SRRT: variants seen among roughly 807,000 people sequenced by gnomAD.
SRRT encodes the protein serrate, RNA effector molecule.
SRRT carries 32 observed loss-of-function variants against 103.2 expected under a neutral mutation model. That is an observed-to-expected ratio of 0.31 (90% CI 0.23 to 0.42). The LOEUF (loss-of-function observed/expected upper bound fraction) is 0.42. SRRT is among the 10% of genes least tolerant of loss of function. The pLI is 1.00. For synonymous variants in SRRT, 525 were observed against 449.0 expected, an observed-to-expected ratio of 1.17 and a Z score of -2.14; for missense variants, 986 against 1,207.5, an observed-to-expected ratio of 0.82 and a Z score of 2.72.
At chr7:100,883,923 C>T in intron 5 of SRRT, 147 bp from the exon 6 acceptor site, 1 of 848,412 alleles carries the variant, frequency 1.2e-6, no homozygotes. Flanking sequence ...TCTAGCGCAC[C>T]CCTATCCCTT....
intron 8 of SRRT, 23 bp from the exon 9 acceptor site, chr7:100,884,900 C>A (rs752896755): frequency 6.2e-7 from 1 of 1,613,840 alleles, no homozygotes; most frequent in Non-Finnish European, 8.5e-7. Flanking sequence ...GCTGACTTGT[C>A]CCCTCTGCTG....
Position 100,875,574 on chromosome 7 carries a change from C to A in SRRT, c.-17C>A, listed in dbSNP as rs772425275. The A allele has an allele frequency of 6.8e-6, 11 of 1,613,634 alleles. No homozygotes were observed. Among genetic ancestry groups the A allele is most frequent in the East Asian group, 4.5e-5 (2 of 44,856 alleles). On this transcript the variant is annotated splice_region_variant and 5_prime_UTR_variant, in exon 2 of 20. Coordinates refer to ENST00000611405, the MANE Select transcript of SRRT (RefSeq NM_015908.6). ...CTACCGCCTCTCCCCGGTCCCCAGG[C>A]CCCCTCAGACCGTGCCATGGGTGAC...
intron 2 of SRRT, 150 bp from the exon 3 acceptor site, chr7:100,881,135 C>T (rs972030169): frequency 1.5e-4 from 81 of 553,632 alleles, no homozygotes; most frequent in Non-Finnish European, 1.9e-4. Flanking sequence ...GTAGGGATGG[C>T]GGGGGGCGGG....
At position 100,875,694 on chromosome 7, in the gene SRRT, G is replaced by T. The variant is rs1459108216; in HGVS notation, c.104G>T (p.Gly35Val). ...CGCGAGAGAGATGAAAGACGTCGAG[G>T]GGACGATTGGAATGACAGGTGAGCC... ...RSRERDERRR[G>V]DDWNDREWDR... The change falls in exon 2 of 20, where the codon GGG (glycine) becomes GTG (valine). Residue 35 changes from glycine to valine, a missense_variant. This residue lies in a region of SRRT where 274 missense variants were observed against 358.5 expected (regional missense o/e 0.76). Transcript: ENST00000611405. 1 of 1,614,026 alleles carries T rather than the reference G, an allele frequency of 6.2e-7. No individual in the cohort carries two copies. Among genetic ancestry groups the T allele is most frequent in the South Asian group, 1.1e-5 (1 of 91,070 alleles).
rs1396319117 is a variant in SRRT, at chr7:100,884,943, G to A, written c.1062G>A (p.Arg354=). 4 of 1,614,144 alleles carry A rather than the reference G, an allele frequency of 2.5e-6. No homozygotes were observed. Among genetic ancestry groups the A allele is most frequent in the Non-Finnish European group, 3.4e-6 (4 of 1,180,020 alleles). The stretch of plus-strand genomic sequence containing the variant: ...CACAGAGTAGCAAGAAGCGGAACCG[G>A]AAGCACAGTGGTGACGACAGCTTTG... ...EAKKSSKKRN[R]KHSGDDSFDE... The change falls in exon 9 of 20, where the codon CGG becomes CGA. Residue 354 remains arginine (R), a synonymous_variant. Coordinates refer to ENST00000611405, the MANE Select transcript of SRRT (RefSeq NM_015908.6).
In SRRT at chr7:100,887,378, G is replaced by A. The variant is rs760575003; in HGVS notation, c.2034G>A (p.Glu678=). Reference sequence around the variant, plus strand: ...TCACGCCGTTGCTGAGTGTGCGGGAGTCACTCTCAGAGGAAGAGGCCCAGA... The same window carrying A: ...TCACGCCGTTGCTGAGTGTGCGGGAATCACTCTCAGAGGAAGAGGCCCAGA... ...EKLTPLLSVR[E]SLSEEEAQKM... is the part of the protein sequence containing the mutation. The change falls in exon 16 of 20, where the codon GAG becomes GAA. Residue 678 remains glutamate, a synonymous_variant. Transcript: ENST00000611405. This position sits in a 1 kb window ranked among gnomAD's most constrained non-coding sequence, Gnocchi z 4.1. 2.5e-6 allele frequency: 4 copies of A among 1,614,084 alleles called. No homozygotes were observed. The highest frequency in any genetic ancestry group is 3.3e-5 in the Admixed American group (2 of 60,010).
chr7:100,887,618 G>T lies in SRRT; in HGVS notation c.2170-85G>T. 1 of 1,575,474 alleles carries T rather than the reference G, an allele frequency of 6.3e-7. No homozygotes were observed. The highest frequency in any genetic ancestry group is 1.3e-5 in the African/African-American group (1 of 74,246). On this transcript the variant is annotated intron_variant, in intron 16 of 19. Coordinates refer to ENST00000611405, the MANE Select transcript of SRRT (RefSeq NM_015908.6). The surrounding 1 kb of genome is among the most constrained non-coding windows in gnomAD (Gnocchi z 4.1). Reference sequence around the variant, plus strand: ...GGAACTGCTTACTGCACTGGCAGGCGGGAGCTGGGAATCCTTCCAGCTCGG... The same window carrying T: ...GGAACTGCTTACTGCACTGGCAGGCTGGAGCTGGGAATCCTTCCAGCTCGG...
chr7:100,885,223 C>T lies in SRRT; in HGVS notation c.1170C>T (p.Leu390=), dbSNP rs1563021209. Residue 390 remains leucine, a synonymous_variant, in exon 10 of 20, where the codon CTC becomes CTT. Transcript: ENST00000611405. This position sits in a 1 kb window ranked among gnomAD's most constrained non-coding sequence, Gnocchi z 4.8. Reference sequence around the variant, plus strand: ...CCCCTTCCTGCCTAGAAGAAGCGCTCAAGGAGAAGGAGAAGCCCAAGGAAG... The same window carrying T: ...CCCCTTCCTGCCTAGAAGAAGCGCTTAAGGAGAAGGAGAAGCCCAAGGAAG... ...EEEKEEAEEA[L]KEKEKPKEEE... The T allele has an allele frequency of 6.2e-7, 1 of 1,613,888 alleles. No individual in the cohort carries two copies. The highest frequency in any genetic ancestry group is 1.1e-5 in the South Asian group (1 of 91,068).
chr7:100,875,929 G>A (rs12705092), intron 2 of SRRT: 83,127 of 532,306 alleles, frequency 0.16, 7,399 homozygotes, highest in Middle Eastern at 0.2. Flanking sequence ...AGAGCTAAGA[G>A]TTTGAGTATG....
rs1055727029 is a variant in SRRT at position 100,887,491 on chromosome 7, C to T, written c.2147C>T (p.Pro716Leu). 4 of 1,613,942 alleles carry T rather than the reference C, an allele frequency of 2.5e-6. No individual in the cohort carries two copies. The highest frequency in any genetic ancestry group is 3.4e-6 in the Non-Finnish European group (4 of 1,179,996). The change falls in exon 16 of 20, where the codon CCT becomes CTT. Residue 716 changes from proline to leucine, a missense_variant. By Grantham distance (98) the Pro-to-Leu change is moderately conservative. Transcript: ENST00000611405. The surrounding 1 kb of genome is among the most constrained non-coding windows in gnomAD (Gnocchi z 4.1). ...QELGKDKWLC[P>L]LSGKKFKGPE... ...CTGGGCAAGGATAAGTGGCTGTGTC[C>T]TCTCAGTGGCAAGAAATTCAAGGTG...
In SRRT at chr7:100,888,468, T is replaced by G; in HGVS notation, c.2556-6T>G. On this transcript the variant is annotated splice_polypyrimidine_tract_variant and splice_region_variant and intron_variant, in intron 19 of 19. Transcript: ENST00000611405. ...CAGCTCTCATCCTGTACCTCTCACC[T>G]CACAGGATGGTTCGTGGAGACCCAA... 1 of 1,613,992 alleles carries G rather than the reference T, an allele frequency of 6.2e-7. No homozygotes were observed. Among genetic ancestry groups the G allele is most frequent in the Non-Finnish European group, 8.5e-7 (1 of 1,179,914 alleles).
chr7:100,883,974 A>AG, intron 5 of SRRT, 96 bp from the exon 6 acceptor site: 1 of 1,357,278 alleles, frequency 7.4e-7, no homozygotes. Flanking sequence ...TGTGAGAGGA[A>AG]GGGGGATATG....
intron 2 of SRRT, among the ~76,000 whole-genome samples, chr7:100,876,216 A>C (rs919092796): frequency 4.6e-5 from 7 of 152,170 alleles, no homozygotes; most frequent in Admixed American, 6.5e-5. Flanking sequence ...CAATGGCGCA[A>C]TCTTGGCTCA....
Position 100,875,613 on chromosome 7 carries a change from A to T in SRRT, c.23A>T (p.Tyr8Phe). 6.2e-7 allele frequency: 1 copy of T among 1,614,020 alleles called. No individual in the cohort carries two copies. Among genetic ancestry groups the T allele is most frequent in the Non-Finnish European group, 8.5e-7 (1 of 1,179,902 alleles). Residue 8 changes from tyrosine to phenylalanine, a missense_variant, in exon 2 of 20, where the codon TAC becomes TTC. By Grantham distance (22) the Tyr-to-Phe change is conservative (BLOSUM62 3). Coordinates refer to ENST00000611405, the MANE Select transcript of SRRT (RefSeq NM_015908.6). MGDSDDE[Y>F]DRRRRDKFRR... ...GCCATGGGTGACAGTGATGACGAGT[A>T]CGATCGAAGGCGCAGGGACAAGTTC...
chr7:100,881,718 G>T lies in SRRT; in HGVS notation c.311G>T (p.Gly104Val), dbSNP rs1236741605. ...TATGAGATGCCCTATGCTGGGGGGG[G>T]TGGGGGCCCAACTTATGGCCCCCCT... ...SGYEMPYAGGGGGPTYGPPQP... is the reference protein window; with the variant it reads ...SGYEMPYAGGVGGPTYGPPQP... Residue 104 changes from glycine (G) to valine (V), a missense_variant, in exon 4 of 20, where the codon GGT becomes GTT. By Grantham distance (109) the Gly-to-Val change is moderately radical. This residue lies in a region of SRRT where 274 missense variants were observed against 358.5 expected (regional missense o/e 0.76). Coordinates refer to ENST00000611405, the MANE Select transcript of SRRT (RefSeq NM_015908.6). 1 of 1,613,862 alleles carries T rather than the reference G, an allele frequency of 6.2e-7. No homozygotes were observed. Among genetic ancestry groups the T allele is most frequent in the African/African-American group, 1.3e-5 (1 of 74,922 alleles).
At position 100,888,329 on chromosome 7, in the gene SRRT, G is replaced by T; in HGVS notation, c.2501G>T (p.Gly834Val). 6.2e-7 allele frequency: 1 copy of T among 1,614,138 alleles called. No individual in the cohort carries two copies. The highest frequency in any genetic ancestry group is 8.5e-7 in the Non-Finnish European group (1 of 1,179,980). Residue 834 changes from glycine (G) to valine (V), a missense_variant, in exon 19 of 20, where the codon GGG becomes GTG. Around this residue, in one of 6 missense-constraint regions of SRRT, gnomAD observed 178 missense variants for 189.6 expected, o/e 0.94. Coordinates refer to ENST00000611405, the MANE Select transcript of SRRT (RefSeq NM_015908.6). Reference sequence around the variant, plus strand: ...CATGCCCCGTATGGTGCTGGTCGAGGGAACTATGATGCCTTCCGAGGCCAG... The same window carrying T: ...CATGCCCCGTATGGTGCTGGTCGAGTGAACTATGATGCCTTCCGAGGCCAG... The part of the protein sequence containing the change: ...YPHAPYGAGR[G>V]NYDAFRGQGG...
Position 100,887,866 on chromosome 7 carries a change from T to G in SRRT, c.2326+7T>G. 2 of 1,597,312 alleles carry G rather than the reference T, an allele frequency of 1.3e-6. No homozygotes were observed. Among genetic ancestry groups the G allele is most frequent in the South Asian group, 1.1e-5 (1 of 90,750 alleles). The stretch of plus-strand genomic sequence containing the variant: ...CCACCTGGCCCCGCCCAGAGTAAGA[T>G]ACGATCCATGAAGGTCGCATGTGCC... On this transcript the variant is annotated splice_region_variant and intron_variant, in intron 17 of 19. Transcript: ENST00000611405. The surrounding 1 kb of genome is among the most constrained non-coding windows in gnomAD (Gnocchi z 4.1).
At position 100,888,656 on chromosome 7, in the gene SRRT, TC is replaced by T. The variant is rs913791959; in HGVS notation, c.*109del. 9.5e-6 allele frequency: 14 copies of T among 1,481,050 alleles called. No homozygotes were observed. In the African/African-American group the frequency reaches 1.7e-4, roughly 18 times the overall value. 91.7% of individuals were successfully genotyped at this position (1,481,050 alleles called of 1,614,324 possible). A position where few individuals can be genotyped will look rare whatever the true frequency, so the allele number is the denominator to read the frequency against. ...CAGCCTTACTGCTAATAAAAGCACT[TC>T]CACAGGGCTCCTGACTCTCGTGTGT... On this transcript the variant is annotated 3_prime_UTR_variant, in exon 20 of 20. Coordinates refer to ENST00000611405, the MANE Select transcript of SRRT (RefSeq NM_015908.6).
Position 100,887,646 on chromosome 7 carries a change from C to G in SRRT, c.2170-57C>G. 5.7e-6 allele frequency: 9 copies of G among 1,583,202 alleles called. No homozygotes were observed. Among genetic ancestry groups the G allele is most frequent in the Non-Finnish European group, 7.8e-6 (9 of 1,159,804 alleles). On this transcript the variant is annotated intron_variant, in intron 16 of 19. Coordinates refer to ENST00000611405, the MANE Select transcript of SRRT (RefSeq NM_015908.6). The surrounding 1 kb of genome is among the most constrained non-coding windows in gnomAD (Gnocchi z 4.1). ...AGCTGGGAATCCTTCCAGCTCGGGC[C>G]TGGGAGCGAGGCAACCCTTATGTGG...
Sources: allele counts gnomAD v4.1 joint callset (sites outside exome capture counted in the v4.1 genomes callset), GRCh38; gene constraint gnomAD v4.1.1; regional missense constraint gnomAD v4.1.1; non-coding constraint Gnocchi (gnomAD v3.1); transcripts MANE v1.5; gene names NCBI Gene and HGNC (gene_info 2026-07-23, HGNC 2026-07-21).